The following ARHGAP15 variants were observed in gnomAD, a reference collection of about 807,000 sequenced individuals.
ARHGAP15 encodes the protein Rho GTPase activating protein 15, also known as rho GTPase-activating protein 15.
ARHGAP15 carries 51 observed loss-of-function variants against 63.7 expected under a neutral mutation model. The observed-to-expected ratio is 0.80, with a 90% CI of 0.64 to 1.01. The LOEUF (loss-of-function observed/expected upper bound fraction) is 1.01. Among genes scored for constraint, ARHGAP15 ranks in the 50% least tolerant of loss-of-function variants. The pLI is 0.00. For missense variants in ARHGAP15, 560 were observed against 564.6 expected (o/e 0.99, Z 0.08); for synonymous variants, 191 against 193.8 (o/e 0.99, Z 0.12).
At chr2:143,338,906 C>T (rs1459206251) in intron 6 of ARHGAP15, among the ~76,000 whole-genome samples, 1 of 152,082 alleles carries the variant, frequency 6.6e-6, no homozygotes, top group Non-Finnish European at 1.5e-5. Context: ...ACCTCCCTCA[C>T]TGTGTTGATA....
chr2:143,297,135 A>G (rs957628377), intron 6 of ARHGAP15, among the ~76,000 whole-genome samples: 6 of 151,962 alleles, frequency 3.9e-5, no homozygotes, highest in South Asian at 4.1e-4. Context: ...TAAATTTGTT[A>G]TTATTACTGT....
intron 1 of ARHGAP15, among the ~76,000 whole-genome samples, chr2:143,153,278 A>G (rs936745323): frequency 6.6e-6 from 1 of 151,916 alleles, no homozygotes; most frequent in South Asian, 2.1e-4. Context: ...GTTTGAATCT[A>G]TTGAATAATG....
At chr2:143,453,183 C>T (rs1690487770) in intron 8 of ARHGAP15, among the ~76,000 whole-genome samples, 1 of 151,894 alleles carries the variant, frequency 6.6e-6, no homozygotes, top group African/African-American at 2.4e-5. Context: ...AATCAATTTA[C>T]ACAAAGTTAT....
At chr2:143,687,938 C>G (rs901548323) in intron 12 of ARHGAP15, among the ~76,000 whole-genome samples, 8 of 151,884 alleles carry the variant, frequency 5.3e-5, no homozygotes, top group Non-Finnish European at 1.0e-4. Context: ...AACAATTGTA[C>G]AAAATTATTT....
intron 8 of ARHGAP15, among the ~76,000 whole-genome samples, chr2:143,465,285 C>T (rs1349301340): frequency 6.6e-6 from 1 of 152,142 alleles, no homozygotes; most frequent in Non-Finnish European, 1.5e-5. Flanking sequence ...GGGCACTGCT[C>T]TCAGTTTTAA....
Position 143,665,816 on chromosome 2 carries a change from C to T in ARHGAP15, c.1139-37603C>T, listed in dbSNP as rs1330851929. 7.3e-4 allele frequency among the ~76,000 whole-genome samples: 110 copies of T among 151,288 alleles called. No individual in the cohort carries two copies. In the Middle Eastern group the frequency reaches 0.017, roughly 24 times the overall value. On this transcript the variant is annotated intron_variant, in intron 12 of 13. Transcript: ENST00000295095. ...CAAATCATGAGTGAACTCCCATTCA[C>T]AATTGCTTCAAAGAGAATAAAATAC...
chr2:143,625,911 T>C (rs1698817218), intron 12 of ARHGAP15, among the ~76,000 whole-genome samples: 1 of 152,176 alleles, frequency 6.6e-6, no homozygotes, highest in African/African-American at 2.4e-5. Flanking sequence ...AGGATATCCA[T>C]CATTTAAGCT....
At chr2:143,218,277 CTTT>C (rs762494225) in intron 4 of ARHGAP15, among the ~76,000 whole-genome samples, 1 of 92,034 alleles carries the variant, frequency 1.1e-5, no homozygotes, top group African/African-American at 4.2e-5. Context: ...TTTAGTTTTC[CTTT>C]TTTTTTTTTT....
intron 12 of ARHGAP15, among the ~76,000 whole-genome samples, chr2:143,661,379 A>C (rs1232568101): frequency 1.3e-5 from 2 of 152,236 alleles, no homozygotes; most frequent in Admixed American, 6.5e-5. Flanking sequence ...AACACTTGAA[A>C]TGTGACATTG....
intron 13 of ARHGAP15, among the ~76,000 whole-genome samples, chr2:143,762,798 CTT>C (rs1326050727): frequency 6.6e-6 from 1 of 151,992 alleles, no homozygotes; most frequent in Non-Finnish European, 1.5e-5. Flanking sequence ...TTCTCCAAAA[CTT>C]TTACTTTGGA....
At chr2:143,410,179 G>T (rs1347846715) in intron 6 of ARHGAP15, among the ~76,000 whole-genome samples, 1 of 151,934 alleles carries the variant, frequency 6.6e-6, no homozygotes, top group African/African-American at 2.4e-5. Flanking sequence ...CATATTAAAA[G>T]TAATGGTGAA....
intron 13 of ARHGAP15, among the ~76,000 whole-genome samples, chr2:143,763,666 CAT>C (rs886938131): frequency 6.7e-6 from 1 of 148,744 alleles, no homozygotes; most frequent in Non-Finnish European, 1.5e-5. Context: ...ATATAAATTG[CAT>C]ATATATGCAA....
chr2:143,272,415 G>A (rs1681330068), intron 6 of ARHGAP15, among the ~76,000 whole-genome samples: 1 of 152,132 alleles, frequency 6.6e-6, no homozygotes, highest in East Asian at 1.9e-4. Flanking sequence ...TAGATCATTT[G>A]AGGTCAGGAG....
At chr2:143,282,426 A>G (rs1378403412) in intron 6 of ARHGAP15, among the ~76,000 whole-genome samples, 2 of 152,138 alleles carry the variant, frequency 1.3e-5, no homozygotes, top group African/African-American at 2.4e-5. Context: ...GGCAGAAAGC[A>G]AAGAGGAGCA....
intron 6 of ARHGAP15, among the ~76,000 whole-genome samples, chr2:143,360,488 C>A (rs928926414): frequency 4.7e-5 from 7 of 148,726 alleles, no homozygotes; most frequent in Non-Finnish European, 7.4e-5. Context: ...CAAGTCAACA[C>A]GATATAAATT....
At chr2:143,391,953 C>T (rs367655465) in intron 6 of ARHGAP15, among the ~76,000 whole-genome samples, 24 of 152,124 alleles carry the variant, frequency 1.6e-4, no homozygotes, top group East Asian at 9.6e-4. Flanking sequence ...CAAAAAAGAA[C>T]GTATTATTAG....
intron 9 of ARHGAP15, among the ~76,000 whole-genome samples, chr2:143,505,420 G>A (rs1407066418): frequency 6.6e-6 from 1 of 152,160 alleles, no homozygotes; most frequent in African/African-American, 2.4e-5. Flanking sequence ...AGGTGTTTTG[G>A]AAATGTTGTT....
At chr2:143,301,244 G>A (rs1164764279) in intron 6 of ARHGAP15, among the ~76,000 whole-genome samples, 1 of 151,834 alleles carries the variant, frequency 6.6e-6, no homozygotes, top group African/African-American at 2.4e-5. Context: ...TATTAAAGGA[G>A]AGCTGTTCAA....
chr2:143,519,200 C>T (rs1192153942), intron 9 of ARHGAP15, 66 bp from the exon 10 acceptor site: 47 of 1,246,574 alleles, frequency 3.8e-5, no homozygotes, highest in East Asian at 4.8e-5. Flanking sequence ...GATATGGAAA[C>T]GGAATCAAAT....
Sources: gnomAD v4.1 joint callset for allele counts (sites outside exome capture counted in the v4.1 genomes callset) on GRCh38, gnomAD v4.1.1 for gene constraint, MANE v1.5 for transcripts, NCBI Gene and HGNC (gene_info 2026-07-23, HGNC 2026-07-21) for gene names.